PEAK1: variants seen among roughly 807,000 people sequenced by gnomAD.
The protein encoded by PEAK1 is pseudopodium enriched atypical kinase 1, also known as inactive tyrosine-protein kinase PEAK1.
PEAK1 carries 54 observed loss-of-function variants against 124.7 expected under a neutral mutation model. The ratio of observed to expected loss-of-function variants is 0.43; its 90% confidence interval spans 0.35 to 0.54. The LOEUF (loss-of-function observed/expected upper bound fraction) is 0.54, where lower values mean the gene tolerates loss of function less well. PEAK1 is among the 20% of genes least tolerant of loss of function. PEAK1 has a pLI of 0.01. For synonymous variants in PEAK1, 719 were observed against 760.0 expected (o/e 0.95, Z 0.89); for missense variants, 2,046 against 2,134.5 (o/e 0.96, Z 0.82).
At chr15:77,365,461 G>A (rs1368608632) in intron 1 of PEAK1, among the ~76,000 whole-genome samples, 1 of 152,130 alleles carries the variant, frequency 6.6e-6, no homozygotes, top group African/African-American at 2.4e-5. Context: ...AAACAGGCCG[G>A]GCACGGCGGC....
rs150527223 is a variant in PEAK1, at chr15:77,343,570, T to C, written c.-603+21593A>G. 2.0e-5 allele frequency among the ~76,000 whole-genome samples: 3 copies of C among 148,714 alleles called. No individual in the cohort carries two copies. In the East Asian group the frequency reaches 6.0e-4, roughly 30 times the overall value. ...GGCACAATCTCGTCTTACTGCAACG[T>C]CCACCCCCTGGGTTCAATGATTCTC... On this transcript the variant is annotated intron_variant, in intron 2 of 9. Transcript: ENST00000682557.
intron 8 of PEAK1, among the ~76,000 whole-genome samples, chr15:77,146,594 G>A (rs1395864522): frequency 6.6e-6 from 1 of 152,046 alleles, no homozygotes; most frequent in Non-Finnish European, 1.5e-5. Flanking sequence ...GCTAACTTCG[G>A]GACAGAGTGT....
chr15:77,326,838 G>A (rs528384542), intron 2 of PEAK1, among the ~76,000 whole-genome samples: 3 of 152,166 alleles, frequency 2.0e-5, no homozygotes, highest in Non-Finnish European at 4.4e-5. Flanking sequence ...CAAAGAGCTC[G>A]TGCTATAGGC....
chr15:77,192,157 G>A (rs1314098687), intron 6 of PEAK1, among the ~76,000 whole-genome samples: 4 of 152,210 alleles, frequency 2.6e-5, no homozygotes, highest in African/African-American at 9.6e-5. Flanking sequence ...TCTAAACCTT[G>A]ACTGCAAGTG....
intron 2 of PEAK1, among the ~76,000 whole-genome samples, chr15:77,316,643 C>G (rs1357361869): frequency 1.3e-5 from 2 of 152,160 alleles, no homozygotes; most frequent in Non-Finnish European, 2.9e-5. Context: ...GTTTCCCCAC[C>G]ATGGTGCCTT....
At chr15:77,153,083 C>T (rs2054798184) in intron 8 of PEAK1, among the ~76,000 whole-genome samples, 1 of 152,068 alleles carries the variant, frequency 6.6e-6, no homozygotes, top group African/African-American at 2.4e-5. Context: ...CCTCCTTGTA[C>T]CTCTGGTAGA....
intron 2 of PEAK1, among the ~76,000 whole-genome samples, chr15:77,308,516 A>T (rs1245702377): frequency 6.6e-6 from 1 of 152,064 alleles, no homozygotes; most frequent in Non-Finnish European, 1.5e-5. Context: ...TCAGTTATGT[A>T]TGCTTCTCCC....
intron 8 of PEAK1, chr15:77,156,898 C>T (rs1205047188): frequency 6.6e-6 from 1 of 152,066 alleles, no homozygotes; most frequent in Non-Finnish European, 1.5e-5. Flanking sequence ...GTCCAATAAG[C>T]TGTTTGATGA....
At chr15:77,232,753 G>T (rs1320461289) in intron 6 of PEAK1, among the ~76,000 whole-genome samples, 1 of 152,024 alleles carries the variant, frequency 6.6e-6, no homozygotes. Flanking sequence ...TTCTCTCTCT[G>T]TTTTGTTTTT....
intron 6 of PEAK1, among the ~76,000 whole-genome samples, chr15:77,207,102 A>T (rs1341270086): frequency 3.3e-5 from 5 of 151,924 alleles, no homozygotes; most frequent in African/African-American, 4.8e-5. Context: ...TACACCTTAT[A>T]CAAAAATCAA....
chr15:77,408,096 C>A (rs913235465), intron 1 of PEAK1, among the ~76,000 whole-genome samples: 2 of 150,578 alleles, frequency 1.3e-5, no homozygotes, highest in Non-Finnish European at 3.0e-5. Context: ...TATATACACA[C>A]ACATATATAC....
chr15:77,282,102 G>C (rs981349331), intron 5 of PEAK1, among the ~76,000 whole-genome samples: 1 of 152,112 alleles, frequency 6.6e-6, no homozygotes, highest in African/African-American at 2.4e-5. Flanking sequence ...GGTCAAGAAG[G>C]AAGCTATAAA....
intron 6 of PEAK1, among the ~76,000 whole-genome samples, chr15:77,219,469 C>T (rs1374347629): frequency 6.6e-6 from 1 of 152,074 alleles, no homozygotes; most frequent in Non-Finnish European, 1.5e-5. Context: ...CAGACAATTA[C>T]ATACTGTGAT....
chr15:77,202,651 T>C (rs2058422492), intron 6 of PEAK1, among the ~76,000 whole-genome samples: 1 of 151,048 alleles, frequency 6.6e-6, no homozygotes, highest in Non-Finnish European at 1.5e-5. Flanking sequence ...GTGCCTGTAG[T>C]CCCAGCTACT....
rs1308752994 is a variant in PEAK1 at position 77,317,170 on chromosome 15, GA to G, written c.-602-30667del. On this transcript the variant is annotated intron_variant, in intron 2 of 9. Coordinates refer to ENST00000682557, the MANE Select transcript of PEAK1 (RefSeq NM_001385026.1). The stretch of plus-strand genomic sequence containing the variant: ...ATAACAAAAGCTTACTATGTGCATA[GA>G]AAAAAAATACAACAAAGAGTTCAAA... 5.9e-5 allele frequency among the ~76,000 whole-genome samples: 9 copies of G among 151,790 alleles called. No homozygotes were observed. The East Asian group carries it at 1.4e-3, about 23-fold the overall frequency.
At chr15:77,368,697 A>G (rs1481246665) in intron 1 of PEAK1, among the ~76,000 whole-genome samples, 2 of 152,214 alleles carry the variant, frequency 1.3e-5, no homozygotes, top group East Asian at 3.8e-4. Flanking sequence ...CTGGATACAT[A>G]TCATTAACAA....
At chr15:77,419,014 GA>G (rs533787246) in intron 1 of PEAK1, 5 of 984,278 alleles carry the variant, frequency 5.1e-6, no homozygotes, top group Non-Finnish European at 6.0e-6. Context: ...AACAGAGGCA[GA>G]AAAAAAATCA....
intron 2 of PEAK1, among the ~76,000 whole-genome samples, chr15:77,318,841 C>T (rs765585887): frequency 3.9e-5 from 6 of 152,094 alleles, no homozygotes; most frequent in Non-Finnish European, 5.9e-5. Context: ...TACCACATGT[C>T]CCCTATAAAC....
intron 2 of PEAK1, chr15:77,351,718 C>A: frequency 1.0e-6 from 1 of 984,876 alleles, no homozygotes; most frequent in Non-Finnish European, 1.2e-6. Flanking sequence ...CCTGGACACC[C>A]TCCACCGTTA....
Sources: allele counts gnomAD v4.1 joint callset (sites outside exome capture counted in the v4.1 genomes callset), GRCh38; gene constraint gnomAD v4.1.1; transcripts MANE v1.5; gene names NCBI Gene and HGNC (gene_info 2026-07-23, HGNC 2026-07-21).